The following ABCB4 variants were observed in gnomAD, a reference collection of about 807,000 sequenced individuals.
The protein encoded by ABCB4 is phosphatidylcholine translocator ABCB4.
ABCB4 carries 76 observed loss-of-function variants against 145.7 expected under a neutral mutation model. The observed-to-expected ratio is 0.52, with a 90% confidence interval of 0.43 to 0.63. The LOEUF (loss-of-function observed/expected upper bound fraction) is 0.63, where lower values mean the gene tolerates loss of function less well. Among genes scored for constraint, ABCB4 ranks in the 30% least tolerant of loss-of-function variants. ABCB4 has a pLI of 0.00. For missense variants in ABCB4, 1,234 were observed against 1,553.1 expected (o/e 0.79, Z 3.45); for synonymous variants, 517 against 566.8 (o/e 0.91, Z 1.25).
At chr7:87,390,260 A>G in the ABCB4 span, among the ~76,000 whole-genome samples, 2 of 152,164 alleles carry the variant, frequency 1.3e-5, no homozygotes, top group Admixed American at 1.3e-4. Context: ...TAAGATTAAG[A>G]GTGTGTTTAC....
At position 87,405,513 on chromosome 7, in the gene ABCB4, G is replaced by A. The variant is rs531388261; in HGVS notation, c.3486+775C>T. 1.5e-4 allele frequency among the ~76,000 whole-genome samples: 22 copies of A among 147,668 alleles called. No individual in the cohort carries two copies. The South Asian group carries it at 3.8e-3, about 26-fold the overall frequency. On this transcript the variant is annotated intron_variant, in intron 26 of 27. Transcript: ENST00000649586. Reference sequence around the variant, plus strand: ...GTGATCTTGGATCACTTTAACCTCCGTTTCTCAGGTTCAGGCGATTCTCCC... The same window carrying A: ...GTGATCTTGGATCACTTTAACCTCCATTTCTCAGGTTCAGGCGATTCTCCC...
intron 16 of ABCB4, 52 bp from the exon 17 acceptor site, chr7:87,424,104 A>G: frequency 6.2e-7 from 1 of 1,612,720 alleles, no homozygotes. Flanking sequence ...CAGTTACCAG[A>G]GTCTGTAGAC....
intron 17 of ABCB4, among the ~76,000 whole-genome samples, chr7:87,422,989 T>A (rs1809555207): frequency 6.6e-6 from 1 of 152,194 alleles, no homozygotes; most frequent in Non-Finnish European, 1.5e-5. Flanking sequence ...TTGCCTTGAA[T>A]TGCAAGAGAG....
the ABCB4 span, among the ~76,000 whole-genome samples, chr7:87,372,268 A>G: frequency 1.2e-4 from 19 of 152,184 alleles, no homozygotes; most frequent in Non-Finnish European, 2.6e-4. Context: ...TGTTGCAAAC[A>G]TTTTCTTCCA....
At chr7:87,375,556 G>A in the ABCB4 span, 4 of 996,182 alleles carry the variant, frequency 4.0e-6, no homozygotes, top group Non-Finnish European at 6.3e-6. Context: ...ATTGATCAAT[G>A]TTATGACCTT....
the ABCB4 span, among the ~76,000 whole-genome samples, chr7:87,385,119 G>A: frequency 1.3e-5 from 2 of 151,120 alleles, no homozygotes; most frequent in Non-Finnish European, 2.9e-5. Context: ...TTGAAGTTTG[G>A]TAATGTGATA....
chr7:87,450,361 C>G (rs1348746855), intron 7 of ABCB4, among the ~76,000 whole-genome samples: 1 of 152,146 alleles, frequency 6.6e-6, no homozygotes, highest in Non-Finnish European at 1.5e-5. Flanking sequence ...CTTGGGAACA[C>G]TGTCAAGTTC....
the ABCB4 span, chr7:87,391,459 A>G: frequency 1.2e-6 from 1 of 818,158 alleles, no homozygotes; most frequent in Non-Finnish European, 1.8e-6. Context: ...TTTTTTGTTG[A>G]AAGTCTCCAA....
At chr7:87,455,315 A>G (rs1220393881) in intron 4 of ABCB4, among the ~76,000 whole-genome samples, 3 of 152,236 alleles carry the variant, frequency 2.0e-5, no homozygotes, top group African/African-American at 7.2e-5. Context: ...TAAAATGTCA[A>G]TGTATCTTTC....
At chr7:87,428,316 G>A (rs1194139791) in intron 15 of ABCB4, among the ~76,000 whole-genome samples, 1 of 152,154 alleles carries the variant, frequency 6.6e-6, no homozygotes, top group African/African-American at 2.4e-5. Flanking sequence ...AGCCAAGATA[G>A]CCACTTTTCC....
intron 2 of ABCB4, 62 bp downstream of exon 2, chr7:87,475,324 G>T: frequency 1.9e-6 from 3 of 1,592,470 alleles, no homozygotes; most frequent in Non-Finnish European, 2.6e-6. Context: ...TTCTTTCCAA[G>T]GGTGAACTTA....
intron 9 of ABCB4, 25 bp downstream of exon 9, chr7:87,447,009 C>T: frequency 6.3e-7 from 1 of 1,583,312 alleles, no homozygotes; most frequent in Non-Finnish European, 8.7e-7. Flanking sequence ...TCATATTCTT[C>T]ATAAATGTTA....
intron 13 of ABCB4, 111 bp downstream of exon 13, chr7:87,440,088 G>A (rs912935044): frequency 1.5e-6 from 2 of 1,294,488 alleles, no homozygotes; most frequent in Non-Finnish European, 1.1e-6. Context: ...ATCTAGCAAA[G>A]TTGGACAATC....
chr7:87,406,857 C>T (rs1419182677), intron 25 of ABCB4, among the ~76,000 whole-genome samples: 1 of 152,170 alleles, frequency 6.6e-6, no homozygotes, highest in African/African-American at 2.4e-5. Context: ...AACCCTTCAC[C>T]TTGACTTGAT....
At chr7:87,413,324 C>T (rs1254907243) in intron 22 of ABCB4, among the ~76,000 whole-genome samples, 4 of 152,312 alleles carry the variant, frequency 2.6e-5, no homozygotes, top group African/African-American at 9.6e-5. Context: ...TCTTAAGTCA[C>T]CCAGATAGGT....
At chr7:87,457,820 A>G (rs1291146752) in intron 4 of ABCB4, among the ~76,000 whole-genome samples, 1 of 152,198 alleles carries the variant, frequency 6.6e-6, no homozygotes, top group African/African-American at 2.4e-5. Flanking sequence ...AGGGAAACAT[A>G]GTCTTCATTT....
At chr7:87,396,626 C>T in the ABCB4 span, among the ~76,000 whole-genome samples, 1 of 151,592 alleles carries the variant, frequency 6.6e-6, no homozygotes, top group African/African-American at 2.4e-5. Flanking sequence ...TCCCCTGCCT[C>T]TTCTTTCATC....
intron 4 of ABCB4, among the ~76,000 whole-genome samples, chr7:87,459,808 G>A (rs1005262147): frequency 2.0e-5 from 3 of 152,142 alleles, no homozygotes; most frequent in Admixed American, 2.0e-4. Context: ...TAATATCTGC[G>A]ACACTTGAAA....
At chr7:87,406,844 C>T (rs1379561535) in intron 25 of ABCB4, among the ~76,000 whole-genome samples, 1 of 152,182 alleles carries the variant, frequency 6.6e-6, no homozygotes, top group Non-Finnish European at 1.5e-5. Flanking sequence ...CCAGAATAAT[C>T]CTAACCCTTC....
Sources: gnomAD v4.1 joint callset for allele counts (sites outside exome capture counted in the v4.1 genomes callset) on GRCh38, gnomAD v4.1.1 for gene constraint, MANE v1.5 for transcripts, NCBI Gene and HGNC (gene_info 2026-07-23, HGNC 2026-07-21) for gene names.